Variants in PSMB2 observed in about 807,000 individuals in gnomAD.
PSMB2 encodes the protein proteasome subunit beta type-2.
A neutral mutation model predicts 25.7 loss-of-function variants in PSMB2; 13 were observed. The ratio of observed to expected loss-of-function variants is 0.51; its 90% confidence interval spans 0.33 to 0.80. PSMB2 has a LOEUF of 0.80. Among genes scored for constraint, PSMB2 ranks in the 30% least tolerant of loss-of-function variants. The probability of loss-of-function intolerance (pLI) is 0.02; values close to 1 mark genes in which losing one functional copy is unlikely to be tolerated. For synonymous variants in PSMB2, 87 were observed against 96.2 expected (o/e 0.90, Z 0.56); for missense variants, 202 against 259.0 (o/e 0.78, Z 1.51).
At position 35,601,482 on chromosome 1, in the gene PSMB2, T is replaced by A. The variant is rs1263783901; in HGVS notation, c.*1785A>T. The A allele has an allele frequency of 3.0e-6, 3 of 985,256 alleles. No homozygotes were observed. The highest frequency in any genetic ancestry group is 1.7e-5 in the African/African-American group (1 of 57,220). 61.0% of individuals were successfully genotyped at this position (985,256 alleles called of 1,614,324 possible). A position where few individuals can be genotyped will look rare whatever the true frequency, so the allele number is the denominator to read the frequency against. ...GGAGGTTGAATCAACTGTAGTGACG[T>A]GAATCATCTCTTTTCTCCCATTTAC... On this transcript the variant is annotated 3_prime_UTR_variant, in exon 6 of 6. Coordinates refer to ENST00000373237, the MANE Select transcript of PSMB2 (RefSeq NM_002794.5).
chr1:35,616,638 T>C (rs1019856281), intron 3 of PSMB2, among the ~76,000 whole-genome samples: 23 of 152,230 alleles, frequency 1.5e-4, no homozygotes, highest in African/African-American at 5.3e-4. Context: ...TCTAAAACTA[T>C]GTGGTAGTTC....
chr1:35,627,099 T>G (rs1557455438), intron 3 of PSMB2, among the ~76,000 whole-genome samples: 1 of 151,876 alleles, frequency 6.6e-6, no homozygotes, highest in Non-Finnish European at 1.5e-5. Context: ...AATGTTATTT[T>G]ACTTCTATTT....
chr1:35,609,758 T>C (rs1431750642), intron 3 of PSMB2, among the ~76,000 whole-genome samples: 1 of 152,252 alleles, frequency 6.6e-6, no homozygotes, highest in East Asian at 1.9e-4. Flanking sequence ...AGCTTAACTG[T>C]ATATTTTAAA....
intron 3 of PSMB2, among the ~76,000 whole-genome samples, chr1:35,622,900 G>A (rs769150002): frequency 1.3e-4 from 20 of 151,146 alleles, no homozygotes; most frequent in African/African-American, 4.6e-4. Context: ...TTTTTTTTAG[G>A]ATCCTAGTAA....
chr1:35,621,685 C>G (rs1166761228), intron 3 of PSMB2, among the ~76,000 whole-genome samples: 3 of 151,816 alleles, frequency 2.0e-5, no homozygotes, highest in Admixed American at 1.3e-4. Flanking sequence ...TTTCTTATAG[C>G]TTTTTATGAA....
intron 3 of PSMB2, among the ~76,000 whole-genome samples, chr1:35,623,459 G>C (rs1359348566): frequency 3.3e-5 from 5 of 152,160 alleles, no homozygotes; most frequent in Non-Finnish European, 7.3e-5. Context: ...GAACATCTTG[G>C]TTTTCGTTTT....
intron 2 of PSMB2, 108 bp downstream of exon 2, chr1:35,636,202 G>T: frequency 7.2e-7 from 1 of 1,385,410 alleles, no homozygotes; most frequent in South Asian, 1.3e-5. Context: ...CTAACATCTA[G>T]AACTGTGAGA....
chr1:35,626,456 C>A (rs1201830490), intron 3 of PSMB2, among the ~76,000 whole-genome samples: 1 of 152,156 alleles, frequency 6.6e-6, no homozygotes, highest in Non-Finnish European at 1.5e-5. Flanking sequence ...TTTCAGCAAA[C>A]ACTTATTGAA....
At chr1:35,638,277 G>A (rs1333353501) in intron 1 of PSMB2, among the ~76,000 whole-genome samples, 1 of 152,174 alleles carries the variant, frequency 6.6e-6, no homozygotes, top group Non-Finnish European at 1.5e-5. Context: ...ACAGGAAACT[G>A]CCTGTGTAGC....
chr1:35,607,231 C>G (rs2148562445), intron 4 of PSMB2, among the ~76,000 whole-genome samples: 1 of 152,190 alleles, frequency 6.6e-6, no homozygotes, highest in East Asian at 1.9e-4. Context: ...GCAAAGGAAA[C>G]AAGAGTGAAA....
At chr1:35,605,482 C>A (rs913561015) in intron 4 of PSMB2, among the ~76,000 whole-genome samples, 200 bp from the exon 5 acceptor site, 1 of 152,268 alleles carries the variant, frequency 6.6e-6, no homozygotes, top group Non-Finnish European at 1.5e-5. Flanking sequence ...AGTGCTCCAG[C>A]AGCTATAAGC....
At chr1:35,640,605 C>A (rs559917051) in intron 1 of PSMB2, among the ~76,000 whole-genome samples, 5 of 152,170 alleles carry the variant, frequency 3.3e-5, no homozygotes, top group African/African-American at 1.2e-4. Flanking sequence ...ATGCCGCCAA[C>A]AAACTAACCT....
At chr1:35,628,596 A>AAAAAATAT (rs59538661) in intron 3 of PSMB2, among the ~76,000 whole-genome samples, 1 of 25,096 alleles carries the variant, frequency 4.0e-5, no homozygotes, top group African/African-American at 1.1e-4. Flanking sequence ...AAAAAAAAAA[A>AAAAAATAT]ATATATATAT....
rs140449211 is a variant in PSMB2, at chr1:35,600,057, G to A, written c.*3210C>T. On this transcript the variant is annotated 3_prime_UTR_variant, in exon 6 of 6. Coordinates refer to ENST00000373237, the MANE Select transcript of PSMB2 (RefSeq NM_002794.5). ...AGGCTGGGGTAAGAGGTTCACTTGA[G>A]CCCAGGAGTTCAAGTGAACTTACTG... The A allele has an allele frequency of 1.0e-3, 699 of 672,418 alleles. 3 individuals carry two copies. In the African/African-American group the frequency reaches 0.013, roughly 12 times the overall value. The allele number at this position is 672,418 out of a possible 1,614,324, so 41.7% of individuals were successfully genotyped here.
In PSMB2 at chr1:35,631,573, A is replaced by G; in HGVS notation, c.215-229T>C. On this transcript the variant is annotated intron_variant, in intron 2 of 5. Coordinates refer to ENST00000373237, the MANE Select transcript of PSMB2 (RefSeq NM_002794.5). ...CTTGGCCACAAACAGAACCAGTTCT[A>G]TAGTGGAATGAAACTTCTAGCAGCC... 4 of 1,189,680 alleles carry G rather than the reference A, an allele frequency of 3.4e-6. No individual in the cohort carries two copies. The Middle Eastern group carries it at 9.2e-4, about 275-fold the overall frequency. The allele number at this position is 1,189,680 out of a possible 1,614,324, so 73.7% of individuals were successfully genotyped here. A position where few individuals can be genotyped will look rare whatever the true frequency, so the allele number is the denominator to read the frequency against.
intron 1 of PSMB2, among the ~76,000 whole-genome samples, chr1:35,640,982 G>C (rs137952908): frequency 2.6e-5 from 4 of 152,114 alleles, no homozygotes; most frequent in Non-Finnish European, 4.4e-5. Flanking sequence ...CCTGAGGTCG[G>C]GAGTTCGAGA....
intron 3 of PSMB2, among the ~76,000 whole-genome samples, chr1:35,625,479 T>C (rs931871261): frequency 6.6e-6 from 1 of 152,088 alleles, no homozygotes; most frequent in East Asian, 1.9e-4. Flanking sequence ...AAGTAAGAAA[T>C]AGGCTGGGCA....
intron 2 of PSMB2, among the ~76,000 whole-genome samples, chr1:35,635,784 G>A (rs112504186): frequency 0.021 from 2,929 of 141,282 alleles, 85 homozygotes; most frequent in East Asian, 0.06. Context: ...AGCAGAGATC[G>A]CGCCATTGCA....
At position 35,609,260 on chromosome 1, in the gene PSMB2, C is replaced by T. The variant is rs781194017; in HGVS notation, c.434G>A (p.Arg145Gln). Residue 145 changes from arginine (R) to glutamine (Q), a missense_variant, in exon 4 of 6, where the codon CGA becomes CAA. Coordinates refer to ENST00000373237, the MANE Select transcript of PSMB2 (RefSeq NM_002794.5). ...GAFLTLSILD[R>Q]YYTPTISRER... Reference sequence around the variant, plus strand: ...TTAATACTTACTCGGTGTGTAGTATCGGTCGAGGATACTGAGAGTCAGGAA... The same window carrying T: ...TTAATACTTACTCGGTGTGTAGTATTGGTCGAGGATACTGAGAGTCAGGAA... 4 of 1,602,818 alleles carry T rather than the reference C, an allele frequency of 2.5e-6. No homozygotes were observed. The highest frequency in any genetic ancestry group is 1.1e-5 in the South Asian group (1 of 89,300).
Sources: gnomAD v4.1 joint callset for allele counts (sites outside exome capture counted in the v4.1 genomes callset) on GRCh38, gnomAD v4.1.1 for gene constraint, MANE v1.5 for transcripts, NCBI Gene and HGNC (gene_info 2026-07-23, HGNC 2026-07-21) for gene names.